Variants in LRRTM4 observed in about 807,000 individuals in gnomAD.
The protein encoded by LRRTM4 is leucine rich repeat transmembrane neuronal 4.
A neutral mutation model predicts 47.6 loss-of-function variants in LRRTM4; 25 were observed. That is an observed-to-expected ratio of 0.53 (90% CI 0.38 to 0.73). The LOEUF is 0.73. Ranked by LOEUF, LRRTM4 falls within the 30% of genes least tolerant of loss-of-function variation. LRRTM4 has a pLI of 0.00. For missense variants in LRRTM4, 638 were observed against 713.4 expected, an observed-to-expected ratio of 0.89 and a Z score of 1.20; for synonymous variants, 311 against 269.5, an observed-to-expected ratio of 1.15 and a Z score of -1.51.
intron 3 of LRRTM4, among the ~76,000 whole-genome samples, chr2:76,972,125 AC>A (rs1676240112): frequency 6.6e-6 from 1 of 152,036 alleles, no homozygotes; most frequent in African/African-American, 2.4e-5. Context: ...TTCTCAACTG[AC>A]ATCTCCACAG....
intron 3 of LRRTM4, among the ~76,000 whole-genome samples, chr2:76,860,750 T>G (rs2104007551): frequency 6.6e-6 from 1 of 152,244 alleles, no homozygotes; most frequent in African/African-American, 2.4e-5. Flanking sequence ...CATCTCTTTC[T>G]ACAAACTCCA....
At chr2:76,788,537 G>A (rs571601803) in intron 3 of LRRTM4, among the ~76,000 whole-genome samples, 2 of 152,160 alleles carry the variant, frequency 1.3e-5, no homozygotes, top group African/African-American at 2.4e-5. Context: ...CAGAGGCTGA[G>A]ATTAATGATA....
intron 3 of LRRTM4, among the ~76,000 whole-genome samples, chr2:76,853,323 T>C (rs1672053849): frequency 6.6e-6 from 1 of 152,160 alleles, no homozygotes; most frequent in South Asian, 2.1e-4. Context: ...AAATGGGCTC[T>C]TGGTCCCTCT....
chr2:77,177,245 T>C (rs775738544), intron 3 of LRRTM4, among the ~76,000 whole-genome samples: 1 of 152,164 alleles, frequency 6.6e-6, no homozygotes, highest in African/African-American at 2.4e-5. Context: ...AGAACCCACA[T>C]GGTCTCCTGG....
At chr2:77,517,538 T>C in intron 3 of LRRTM4, 16 of 985,150 alleles carry the variant, frequency 1.6e-5, no homozygotes, top group Non-Finnish European at 1.8e-5. Flanking sequence ...AAGCATGGAA[T>C]TGAAGTTTCA....
chr2:77,344,735 T>C (rs1220355958), intron 3 of LRRTM4, among the ~76,000 whole-genome samples: 1 of 151,816 alleles, frequency 6.6e-6, no homozygotes, highest in Non-Finnish European at 1.5e-5. Context: ...AAGTCTATGC[T>C]GAGTTATATC....
intron 3 of LRRTM4, among the ~76,000 whole-genome samples, chr2:77,208,911 T>C (rs1647311432): frequency 6.6e-6 from 1 of 152,174 alleles, no homozygotes; most frequent in African/African-American, 2.4e-5. Flanking sequence ...TAAAATAGAA[T>C]TGTAAAAGAT....
At chr2:77,009,918 G>A (rs568196010) in intron 3 of LRRTM4, 1 of 151,550 alleles carries the variant, frequency 6.6e-6, no homozygotes, top group African/African-American at 2.4e-5. Flanking sequence ...TCAGGACAGT[G>A]TACCGACAGT....
intron 3 of LRRTM4, among the ~76,000 whole-genome samples, chr2:77,454,926 G>A (rs891513266): frequency 5.9e-5 from 9 of 151,530 alleles, no homozygotes; most frequent in South Asian, 2.1e-4. Flanking sequence ...GGTGGCTCTC[G>A]CCTGTAATCT....
At position 77,285,110 on chromosome 2, in the gene LRRTM4, C is replaced by G. The variant is rs372728056; in HGVS notation, c.1551+233208G>C. The stretch of plus-strand genomic sequence containing the variant: ...AACCTCTGATATCTGTAAAACTTAG[C>G]TGGAAAACTTTATTCTAATAACATT... On this transcript the variant is annotated intron_variant, in intron 3 of 3. Coordinates refer to ENST00000409884, the MANE Select transcript of LRRTM4 (RefSeq NM_001134745.3). Among the ~76,000 whole-genome samples, 24 of 151,820 alleles carry G rather than the reference C, an allele frequency of 1.6e-4. No homozygotes were observed. The South Asian group carries it at 4.4e-3, about 28-fold the overall frequency.
intron 3 of LRRTM4, among the ~76,000 whole-genome samples, chr2:77,454,601 T>C (rs1365484471): frequency 6.6e-6 from 1 of 152,166 alleles, no homozygotes; most frequent in East Asian, 1.9e-4. Flanking sequence ...TGGTGGATAC[T>C]GACAAGCAAT....
intron 3 of LRRTM4, among the ~76,000 whole-genome samples, chr2:77,364,760 T>C (rs1672378090): frequency 6.6e-6 from 1 of 151,916 alleles, no homozygotes; most frequent in Admixed American, 6.6e-5. Context: ...ATAAAATGAG[T>C]CTAGAGATCA....
At chr2:77,496,689 TA>T (rs1293002202) in intron 3 of LRRTM4, among the ~76,000 whole-genome samples, 1 of 151,822 alleles carries the variant, frequency 6.6e-6, no homozygotes, top group East Asian at 1.9e-4. Context: ...GTATGACTGA[TA>T]AAATGTGTAT....
intron 3 of LRRTM4, among the ~76,000 whole-genome samples, chr2:77,223,496 G>A (rs1413335474): frequency 6.6e-6 from 1 of 152,178 alleles, no homozygotes; most frequent in Non-Finnish European, 1.5e-5. Flanking sequence ...AAGCTGATAA[G>A]CAACTTCGGC....
At chr2:77,089,475 C>T (rs975013788) in intron 3 of LRRTM4, among the ~76,000 whole-genome samples, 15 of 151,562 alleles carry the variant, frequency 9.9e-5, no homozygotes, top group East Asian at 3.9e-4. Flanking sequence ...TTCCGTGCCC[C>T]GACCTCTTAT....
intron 3 of LRRTM4, among the ~76,000 whole-genome samples, chr2:76,769,138 A>G (rs1185346147): frequency 1.3e-5 from 2 of 152,182 alleles, no homozygotes; most frequent in African/African-American, 4.8e-5. Flanking sequence ...GACCATAAAA[A>G]GAGGCAGGTG....
chr2:77,516,481 C>T (rs556410877), intron 3 of LRRTM4, among the ~76,000 whole-genome samples: 72 of 151,758 alleles, frequency 4.7e-4, no homozygotes, highest in African/African-American at 1.7e-3. Flanking sequence ...CATTCTACTC[C>T]AAAAGTCAAG....
At position 77,087,599 on chromosome 2, in the gene LRRTM4, A is replaced by G. The variant is rs1051765260; in HGVS notation, c.1552-338683T>C. 2.6e-5 allele frequency among the ~76,000 whole-genome samples: 4 copies of G among 152,388 alleles called. No individual in the cohort carries two copies. The South Asian group carries it at 8.3e-4, about 32-fold the overall frequency. On this transcript the variant is annotated intron_variant, in intron 3 of 3. Transcript: ENST00000409884. ...CTCACCACTTAAAGTTATCAAATAC[A>G]TGACTACAAACCACCATCAGTGAGA...
rs886520855 is a variant in LRRTM4, at chr2:76,820,146, T to G, written c.1552-71230A>C. 7.9e-5 allele frequency among the ~76,000 whole-genome samples: 12 copies of G among 152,088 alleles called. No homozygotes were observed. In the South Asian group the frequency reaches 2.5e-3, roughly 32 times the overall value. On this transcript the variant is annotated intron_variant, in intron 3 of 3. Coordinates refer to ENST00000409884, the MANE Select transcript of LRRTM4 (RefSeq NM_001134745.3). ...GTCCAAGCTTTTGGTCATGCAACTA[T>G]GATGAAATTGTTATTTATCATTAAA...
Sources: allele counts gnomAD v4.1 joint callset (sites outside exome capture counted in the v4.1 genomes callset), GRCh38; gene constraint gnomAD v4.1.1; transcripts MANE v1.5; gene names NCBI Gene and HGNC (gene_info 2026-07-23, HGNC 2026-07-21).